PALLD: variants seen among roughly 807,000 people sequenced by gnomAD.
The protein encoded by PALLD is palladin.
A neutral mutation model predicts 123.5 loss-of-function variants in PALLD; 61 were observed. That is an observed-to-expected ratio of 0.49 (90% CI 0.40 to 0.61). The LOEUF (loss-of-function observed/expected upper bound fraction) is 0.61, where lower values mean the gene tolerates loss of function less well. Among genes scored for constraint, PALLD ranks in the 20% least tolerant of loss-of-function variants. The pLI is 0.00. For synonymous variants in PALLD, 465 were observed against 496.4 expected (o/e 0.94, Z 0.84); for missense variants, 1,273 against 1,377.0 (o/e 0.92, Z 1.20).
At chr4:168,711,398 C>T (rs1784821440) in intron 9 of PALLD, among the ~76,000 whole-genome samples, 183 bp from the exon 10 acceptor site, 1 of 152,202 alleles carries the variant, frequency 6.6e-6, no homozygotes, top group Admixed American at 6.5e-5. Flanking sequence ...TCGTTCAAAA[C>T]AAGCTTGAAA....
chr4:168,825,598 G>A (rs895326575), intron 10 of PALLD, among the ~76,000 whole-genome samples: 1 of 152,212 alleles, frequency 6.6e-6, no homozygotes, highest in Non-Finnish European at 1.5e-5. Context: ...TAGGGAAATA[G>A]ACCCAATTCC....
rs1749754720 is a variant in PALLD at position 168,863,261 on chromosome 4, G to T, written c.1965-27661G>T. Among the ~76,000 whole-genome samples the T allele has an allele frequency of 2.6e-5, 4 of 152,090 alleles. No homozygotes were observed. The South Asian group carries it at 8.3e-4, about 32-fold the overall frequency. On this transcript the variant is annotated intron_variant, in intron 10 of 21. Transcript: ENST00000505667. Reference sequence around the variant, plus strand: ...CTGGGGAGAACTCAGAGAAGAAAGGGGATGCACTGCTGGGCCTCATGAGTT... The same window carrying T: ...CTGGGGAGAACTCAGAGAAGAAAGGTGATGCACTGCTGGGCCTCATGAGTT...
At chr4:168,926,118 G>A (rs988045653) in intron 21 of PALLD, 95 bp from the exon 22 acceptor site, 7 of 1,038,832 alleles carry the variant, frequency 6.7e-6, no homozygotes, top group Middle Eastern at 2.5e-4. Context: ...CAGGTGCCTT[G>A]CATCTATCTA....
rs752801252 is a variant in PALLD, at chr4:168,903,800, A to G, written c.2516A>G (p.Asp839Gly). Reference protein sequence around the residue: ...KDGKQISPKSDHYTIQRDLDG... With the variant: ...KDGKQISPKSGHYTIQRDLDG... ...GGGAAGCAGATCTCTCCAAAGAGTGATCACTACACCATTCAAAGAGATCTC... is the reference window on the plus strand; with the variant it reads ...GGGAAGCAGATCTCTCCAAAGAGTGGTCACTACACCATTCAAAGAGATCTC... Residue 839 changes from aspartate (D) to glycine (G), a missense_variant, in exon 15 of 22, where the codon GAT becomes GGT. By Grantham distance (94) the Asp-to-Gly change is moderately conservative (BLOSUM62 -1). Around this residue, in one of 2 missense-constraint regions of PALLD, gnomAD observed 329 missense variants for 422.5 expected, o/e 0.78. Coordinates refer to ENST00000505667, the MANE Select transcript of PALLD (RefSeq NM_001166108.2). 6.2e-7 allele frequency: 1 copy of G among 1,611,932 alleles called. No individual in the cohort carries two copies. The highest frequency in any genetic ancestry group is 1.3e-5 in the African/African-American group (1 of 74,882).
chr4:168,580,004 T>C (rs1202653379), intron 2 of PALLD, among the ~76,000 whole-genome samples: 1 of 152,032 alleles, frequency 6.6e-6, no homozygotes, highest in Non-Finnish European at 1.5e-5. Context: ...CCTGAAACTT[T>C]GTACCGTTTG....
intron 10 of PALLD, among the ~76,000 whole-genome samples, chr4:168,865,796 C>T (rs1291066243): frequency 6.6e-6 from 1 of 151,888 alleles, no homozygotes; most frequent in African/African-American, 2.4e-5. Flanking sequence ...AGCATGGGCA[C>T]ATTTTAAAAA....
At chr4:168,683,175 A>C (rs1234327611) in intron 5 of PALLD, 72 bp downstream of exon 5, 3 of 810,608 alleles carry the variant, frequency 3.7e-6, no homozygotes, top group Non-Finnish European at 6.3e-6. Context: ...TAAGAATATG[A>C]CTTTGATTCT....
intron 8 of PALLD, among the ~76,000 whole-genome samples, chr4:168,694,249 C>A (rs745323779): frequency 6.6e-6 from 1 of 152,146 alleles, no homozygotes; most frequent in Non-Finnish European, 1.5e-5. Flanking sequence ...GAAAAACAGA[C>A]GTGACTACAA....
intron 10 of PALLD, among the ~76,000 whole-genome samples, chr4:168,835,309 G>A (rs533323420): frequency 1.3e-5 from 2 of 152,048 alleles, no homozygotes; most frequent in Non-Finnish European, 2.9e-5. Context: ...AAGTAAATGG[G>A]GAAAATAGAC....
intron 10 of PALLD, among the ~76,000 whole-genome samples, chr4:168,783,046 A>ATGTGTGTGTGTGTGTG (rs150595576): frequency 8.6e-6 from 1 of 116,056 alleles, no homozygotes; most frequent in Non-Finnish European, 2.0e-5. Context: ...TTATATATAT[A>ATGTGTGTGTGTGTGTG]TGTGTGTGTG....
chr4:168,704,342 A>G (rs1784010815), intron 8 of PALLD, among the ~76,000 whole-genome samples: 1 of 152,240 alleles, frequency 6.6e-6, no homozygotes, highest in Admixed American at 6.5e-5. Context: ...AATTATTTAA[A>G]AGATAGAGAA....
chr4:168,650,099 A>G (rs1167104021), intron 2 of PALLD, among the ~76,000 whole-genome samples: 1 of 152,134 alleles, frequency 6.6e-6, no homozygotes, highest in Non-Finnish European at 1.5e-5. Flanking sequence ...GCTTGAACCC[A>G]GGAGGCGGAG....
chr4:168,554,726 A>T (rs746929571), intron 2 of PALLD, among the ~76,000 whole-genome samples: 1 of 152,192 alleles, frequency 6.6e-6, no homozygotes, highest in Non-Finnish European at 1.5e-5. Context: ...TTTGCTTTAT[A>T]TATCTTTCGT....
chr4:168,893,736 A>T (rs1754530836), intron 11 of PALLD, among the ~76,000 whole-genome samples: 1 of 152,198 alleles, frequency 6.6e-6, no homozygotes, highest in Non-Finnish European at 1.5e-5. Flanking sequence ...CCCAACAGTC[A>T]CACAAAAATG....
intron 2 of PALLD, among the ~76,000 whole-genome samples, chr4:168,524,880 T>G (rs1473609812): frequency 1.3e-5 from 2 of 152,200 alleles, no homozygotes; most frequent in East Asian, 1.9e-4. Flanking sequence ...AGCCAGCGTC[T>G]TTACTCTTAG....
intron 10 of PALLD, among the ~76,000 whole-genome samples, chr4:168,851,513 G>A (rs187684895): frequency 2.0e-4 from 30 of 152,080 alleles, no homozygotes; most frequent in Non-Finnish European, 2.5e-4. Context: ...GACTACAGGC[G>A]AGCACCACCT....
intron 6 of PALLD, among the ~76,000 whole-genome samples, chr4:168,689,667 C>A (rs1040014842): frequency 8.6e-5 from 13 of 151,670 alleles, no homozygotes; most frequent in African/African-American, 3.2e-4. Flanking sequence ...AGGCTGGTCT[C>A]GAACTGCTGA....
chr4:168,695,177 C>T (rs926943456), intron 8 of PALLD, among the ~76,000 whole-genome samples: 12 of 152,072 alleles, frequency 7.9e-5, no homozygotes, highest in East Asian at 3.8e-4. Flanking sequence ...AGATCTTGTA[C>T]GGTAGAGTCT....
At chr4:168,553,728 T>C (rs1404143959) in intron 2 of PALLD, among the ~76,000 whole-genome samples, 1 of 152,156 alleles carries the variant, frequency 6.6e-6, no homozygotes, top group Non-Finnish European at 1.5e-5. Flanking sequence ...TTTGTTTTTT[T>C]GGACTGTTTT....
Sources: allele counts gnomAD v4.1 joint callset (sites outside exome capture counted in the v4.1 genomes callset), GRCh38; gene constraint gnomAD v4.1.1; regional missense constraint gnomAD v4.1.1; transcripts MANE v1.5; gene names NCBI Gene and HGNC (gene_info 2026-07-23, HGNC 2026-07-21).